Variants in PDZRN3 observed in about 807,000 individuals in gnomAD.
PDZRN3 encodes the protein E3 ubiquitin-protein ligase PDZRN3.
Under a neutral mutation model 85.7 loss-of-function variants are expected in PDZRN3, and 38 were observed. The observed-to-expected ratio is 0.44, with a 90% CI of 0.34 to 0.58. PDZRN3 has a LOEUF of 0.58. Ranked by LOEUF, PDZRN3 falls within the 20% of genes least tolerant of loss-of-function variation. PDZRN3 has a pLI of 0.01. For synonymous variants in PDZRN3, 759 were observed against 638.0 expected, an observed-to-expected ratio of 1.19 and a Z score of -2.86; for missense variants, 1,629 against 1,506.4, an observed-to-expected ratio of 1.08 and a Z score of -1.35.
intron 3 of PDZRN3, among the ~76,000 whole-genome samples, chr3:73,508,758 T>C (rs1391333897): frequency 6.6e-6 from 1 of 152,174 alleles, no homozygotes; most frequent in Non-Finnish European, 1.5e-5. Flanking sequence ...GAAAGAGATA[T>C]GTGAAAAGGC....
chr3:73,475,807 G>T (rs1272949204), intron 3 of PDZRN3, among the ~76,000 whole-genome samples: 2 of 152,214 alleles, frequency 1.3e-5, no homozygotes, highest in African/African-American at 4.8e-5. Flanking sequence ...TAAAGTAAAA[G>T]CTGGAGTGAA....
rs574446943 is a variant in PDZRN3 at position 73,588,401 on chromosome 3, A to G, written c.918+13953T>C. On this transcript the variant is annotated intron_variant, in intron 3 of 9. Transcript: ENST00000263666. Reference sequence around the variant, plus strand: ...CAGGTAACACCACTTTTAAAAATAAAGTTTATCCAAATGTAACATAAAGAA... The same window carrying G: ...CAGGTAACACCACTTTTAAAAATAAGGTTTATCCAAATGTAACATAAAGAA... Among the ~76,000 whole-genome samples the G allele has an allele frequency of 1.5e-3, 222 of 152,290 alleles. 3 individuals are homozygous for G. The highest frequency in any genetic ancestry group is 2.2e-3 in the Non-Finnish European group (153 of 68,028).
chr3:73,563,007 ATATATATTTTTT>A (rs1300009308), intron 3 of PDZRN3, among the ~76,000 whole-genome samples: 3,206 of 45,256 alleles, frequency 0.071, 65 homozygotes, highest in Non-Finnish European at 0.098. Context: ...ATATATATAT[ATATATATTTTTT>A]TTTTTTTTTT....
At chr3:73,430,476 A>T (rs1702409276) in intron 3 of PDZRN3, among the ~76,000 whole-genome samples, 1 of 152,208 alleles carries the variant, frequency 6.6e-6, no homozygotes, top group Admixed American at 6.5e-5. Flanking sequence ...ATGTTAGAAG[A>T]GGTGGAGGGA....
intron 3 of PDZRN3, among the ~76,000 whole-genome samples, chr3:73,416,749 C>T (rs1702089432): frequency 6.6e-6 from 1 of 152,126 alleles, no homozygotes; most frequent in African/African-American, 2.4e-5. Flanking sequence ...GGAAGCTCTA[C>T]CCACTTGCTC....
chr3:73,616,497 C>T (rs887094060), intron 1 of PDZRN3, among the ~76,000 whole-genome samples: 3 of 152,136 alleles, frequency 2.0e-5, no homozygotes, highest in Non-Finnish European at 4.4e-5. Flanking sequence ...ACATCTTAGC[C>T]CAAATGAACT....
intron 6 of PDZRN3, among the ~76,000 whole-genome samples, chr3:73,390,330 G>A (rs1275394523): frequency 1.3e-5 from 2 of 152,262 alleles, no homozygotes; most frequent in East Asian, 3.9e-4. Flanking sequence ...TAAGGGGAGG[G>A]ATGTCCCCAA....
At chr3:73,453,186 TC>T (rs1702902374) in intron 3 of PDZRN3, among the ~76,000 whole-genome samples, 1 of 152,066 alleles carries the variant, frequency 6.6e-6, no homozygotes, top group East Asian at 1.9e-4. Context: ...GGCAGGCAGA[TC>T]ATGAGGTCAA....
intron 3 of PDZRN3, among the ~76,000 whole-genome samples, chr3:73,540,690 TA>T (rs1433767745): frequency 6.6e-6 from 1 of 152,196 alleles, no homozygotes; most frequent in Non-Finnish European, 1.5e-5. Context: ...ACCATGATTG[TA>T]AGTTTCCTGA....
chr3:73,614,005 G>A (rs1371044238), intron 1 of PDZRN3, among the ~76,000 whole-genome samples: 1 of 152,100 alleles, frequency 6.6e-6, no homozygotes, highest in Non-Finnish European at 1.5e-5. Context: ...CATCCAAAGT[G>A]CCTAAGCCAA....
intron 3 of PDZRN3, among the ~76,000 whole-genome samples, chr3:73,456,738 A>G (rs1050372363): frequency 1.3e-5 from 2 of 152,214 alleles, no homozygotes; most frequent in Non-Finnish European, 2.9e-5. Flanking sequence ...TAGGGCTGAA[A>G]AGTTTTGTTT....
At chr3:73,516,975 T>C (rs1308735964) in intron 3 of PDZRN3, among the ~76,000 whole-genome samples, 1 of 152,218 alleles carries the variant, frequency 6.6e-6, no homozygotes, top group Non-Finnish European at 1.5e-5. Flanking sequence ...ATCACAGCCA[T>C]GCTGAAGTTT....
intron 3 of PDZRN3, among the ~76,000 whole-genome samples, chr3:73,440,540 C>T (rs924669940): frequency 2.0e-5 from 3 of 152,206 alleles, no homozygotes; most frequent in Non-Finnish European, 4.4e-5. Context: ...GACACCTTGA[C>T]TCCTTGGAGG....
intron 3 of PDZRN3, among the ~76,000 whole-genome samples, chr3:73,601,898 A>G: frequency 6.6e-6 from 1 of 152,222 alleles, no homozygotes; most frequent in Non-Finnish European, 1.5e-5. Context: ...CGACAAACTA[A>G]CAGAGAGAAC....
chr3:73,446,884 C>T (rs763163438), intron 3 of PDZRN3, among the ~76,000 whole-genome samples: 1 of 151,748 alleles, frequency 6.6e-6, no homozygotes, highest in African/African-American at 2.4e-5. Context: ...CTGTTGCTCT[C>T]GACAGTGCTG....
chr3:73,438,986 C>T (rs921686693), intron 3 of PDZRN3, among the ~76,000 whole-genome samples: 1 of 152,230 alleles, frequency 6.6e-6, no homozygotes, highest in African/African-American at 2.4e-5. Flanking sequence ...TCAATTCCAT[C>T]TCCTTCAGGG....
intron 3 of PDZRN3, among the ~76,000 whole-genome samples, chr3:73,547,624 T>G (rs1401366202): frequency 6.6e-6 from 1 of 152,230 alleles, no homozygotes; most frequent in Admixed American, 6.5e-5. Flanking sequence ...TGGAAATAAC[T>G]ACATAGAGTC....
At chr3:73,434,088 G>T in intron 3 of PDZRN3, 2 of 342,670 alleles carry the variant, frequency 5.8e-6, no homozygotes, top group Non-Finnish European at 8.2e-6. Context: ...TGATACAGAA[G>T]CTATAATTGC....
intron 3 of PDZRN3, among the ~76,000 whole-genome samples, chr3:73,437,369 C>G (rs748888083): frequency 4.6e-5 from 7 of 152,222 alleles, no homozygotes; most frequent in African/African-American, 1.7e-4. Flanking sequence ...GTCATGTAAC[C>G]GCTAGAAAAC....
Sources: gnomAD v4.1 joint callset for allele counts (sites outside exome capture counted in the v4.1 genomes callset) on GRCh38, gnomAD v4.1.1 for gene constraint, MANE v1.5 for transcripts, NCBI Gene and HGNC (gene_info 2026-07-23, HGNC 2026-07-21) for gene names.